Variants in NPNT observed in about 807,000 individuals in gnomAD.
NPNT encodes nephronectin, also known as preosteoblast EGF-like repeat protein with MAM domain.
In NPNT, 45 loss-of-function variants were observed where a neutral mutation model predicts 68.6. The observed-to-expected ratio is 0.66, with a 90% confidence interval of 0.52 to 0.84. The LOEUF (loss-of-function observed/expected upper bound fraction) is 0.84. Among genes scored for constraint, NPNT ranks in the 40% least tolerant of loss-of-function variants. The probability of loss-of-function intolerance (pLI) is 0.00; values close to 1 mark genes in which losing one functional copy is unlikely to be tolerated. For missense variants in NPNT, 672 were observed against 714.8 expected (o/e 0.94, Z 0.68); for synonymous variants, 233 against 253.3 (o/e 0.92, Z 0.76).
intron 3 of NPNT, chr4:105,932,734 C>T (rs1016147348): frequency 9.2e-6 from 13 of 1,412,228 alleles, no homozygotes; most frequent in African/African-American, 2.8e-5. Flanking sequence ...GTGGTCTGCT[C>T]TTCCCACCTG....
rs1261276610 is a variant in NPNT at position 105,914,353 on chromosome 4, T to TTC, written c.173-12963_173-12962dup. Among the ~76,000 whole-genome samples the TTC allele has an allele frequency of 6.7e-4, 89 of 132,196 alleles. No individual in the cohort carries two copies. The South Asian group carries it at 7.6e-3, about 11-fold the overall frequency. 86.7% of individuals were successfully genotyped at this position (132,196 alleles called of 152,430 possible). ...GGTAATAGCTGGCTCTCTCTCTCCA[T>TTC]TCTCTCTCTCTCTCTCTCTCTATAT... On this transcript the variant is annotated intron_variant, in intron 2 of 11. Transcript: ENST00000379987.
intron 2 of NPNT, among the ~76,000 whole-genome samples, chr4:105,920,395 TAAAAAA>T (rs11355483): frequency 3.5e-4 from 28 of 79,460 alleles, no homozygotes; most frequent in African/African-American, 1.4e-3. Context: ...GTTACTCTAC[TAAAAAA>T]AAAAAAAAAA....
chr4:105,912,325 C>A, intron 2 of NPNT: 1 of 926,512 alleles, frequency 1.1e-6, no homozygotes, highest in Non-Finnish European at 1.6e-6. Context: ...AAGCTGTAAA[C>A]AAAACATTAG....
intron 2 of NPNT, chr4:105,927,129 A>G (rs1728742946): frequency 3.0e-6 from 1 of 329,264 alleles, no homozygotes; most frequent in Non-Finnish European, 5.6e-6. Flanking sequence ...TTCAGCCCCA[A>G]CTGATACACA....
chr4:105,940,716 G>T, intron 7 of NPNT, 80 bp downstream of exon 7: 1 of 1,214,224 alleles, frequency 8.2e-7, no homozygotes, highest in South Asian at 1.4e-5. Context: ...GGGAAAATAA[G>T]GAATAAGATT....
intron 2 of NPNT, among the ~76,000 whole-genome samples, chr4:105,904,022 G>A (rs1401034248): frequency 6.6e-6 from 1 of 151,944 alleles, no homozygotes; most frequent in Admixed American, 6.6e-5. Flanking sequence ...GAGCTCAACT[G>A]ATCTGCCCAC....
chr4:105,967,435 C>T lies in NPNT; in HGVS notation c.1593C>T (p.Asp531=), dbSNP rs1161495717. Reference sequence around the variant, plus strand: ...CACAGATCACCTTGCGAGGGGCTGACATCAAGAGCGTAAGTAGATCCACAA... The same window carrying T: ...CACAGATCACCTTGCGAGGGGCTGATATCAAGAGCGTAAGTAGATCCACAA... ...RQTQITLRGA[D]IKSVVFKGEK... is the part of the protein sequence containing the mutation. Residue 531 remains aspartate, a synonymous_variant, in exon 11 of 12, where the codon GAC becomes GAT. Transcript: ENST00000379987. The T allele has an allele frequency of 1.3e-6, 2 of 1,586,348 alleles. No individual in the cohort carries two copies. Among genetic ancestry groups the T allele is most frequent in the South Asian group, 1.2e-5 (1 of 85,358 alleles).
At position 105,905,026 on chromosome 4, in the gene NPNT, G is replaced by A. The variant is rs115751138; in HGVS notation, c.172+7025G>A. Among the ~76,000 whole-genome samples, 1,258 of 151,706 alleles carry A rather than the reference G, an allele frequency of 8.3e-3. 14 individuals carry two copies. Among genetic ancestry groups the A allele is most frequent in the African/African-American group, 0.026 (1,079 of 41,398 alleles). On this transcript the variant is annotated intron_variant, in intron 2 of 11. Transcript: ENST00000379987. ...GCTGGGATTACAGGCATGAGACACC[G>A]CGCCCGGCCATTAGCCATAATTTTT...
At chr4:105,918,730 C>T (rs553887900) in intron 2 of NPNT, among the ~76,000 whole-genome samples, 4 of 152,256 alleles carry the variant, frequency 2.6e-5, no homozygotes, top group African/African-American at 9.6e-5. Flanking sequence ...TTTATATCCC[C>T]AATTTTTAAT....
chr4:105,943,186 G>A (rs1730125306), intron 8 of NPNT, among the ~76,000 whole-genome samples: 1 of 152,250 alleles, frequency 6.6e-6, no homozygotes, highest in African/African-American at 2.4e-5. Flanking sequence ...ACCAGTGGTA[G>A]TATGTTAGTG....
rs981889205 is a variant in NPNT at position 105,906,944 on chromosome 4, A to G, written c.172+8943A>G. 5.9e-5 allele frequency among the ~76,000 whole-genome samples: 9 copies of G among 152,160 alleles called. 1 individual carries two copies. The highest frequency in any genetic ancestry group is 2.0e-4 in the Admixed American group (3 of 15,262). ...TGAACATTGTTCCCAGGCATCATTTACCCTACTGATGCTGATACATGGATA... is the reference window on the plus strand; with the variant it reads ...TGAACATTGTTCCCAGGCATCATTTGCCCTACTGATGCTGATACATGGATA... On this transcript the variant is annotated intron_variant, in intron 2 of 11. Coordinates refer to ENST00000379987, the MANE Select transcript of NPNT (RefSeq NM_001033047.3).
chr4:105,913,184 C>G (rs936273593), intron 2 of NPNT, among the ~76,000 whole-genome samples: 1 of 152,070 alleles, frequency 6.6e-6, no homozygotes, highest in Non-Finnish European at 1.5e-5. Context: ...GTTCTTTAAA[C>G]TGATTGAAGA....
intron 11 of NPNT, 52 bp downstream of exon 11, chr4:105,967,496 A>C: frequency 2.0e-6 from 3 of 1,484,106 alleles, no homozygotes; most frequent in Non-Finnish European, 2.7e-6. Flanking sequence ...CTTTCATAGG[A>C]GAACTCTGGG....
At chr4:105,904,824 G>C (rs150719234) in intron 2 of NPNT, among the ~76,000 whole-genome samples, 1 of 151,942 alleles carries the variant, frequency 6.6e-6, no homozygotes, top group Non-Finnish European at 1.5e-5. Flanking sequence ...TGGGATTACA[G>C]GTGTACACCA....
In NPNT at chr4:105,935,964, A is replaced by G. The variant is rs78306929; in HGVS notation, c.266-1045A>G. 3.0e-4 allele frequency among the ~76,000 whole-genome samples: 46 copies of G among 152,312 alleles called. No homozygotes were observed. The East Asian group carries it at 8.9e-3, about 29-fold the overall frequency. On this transcript the variant is annotated intron_variant, in intron 3 of 11. Transcript: ENST00000379987. ...ATTCAATGACATGGATTAATAGATA[A>G]TTAAATTATGCTAAATGGGTACTTA... is the stretch of plus-strand genomic sequence containing the variant.
rs537452682 is a variant in NPNT at position 105,933,933 on chromosome 4, A to T, written c.266-3076A>T. ...CATTTGAATGTAAGTGGTTTATTGT[A>T]AAGTTCTATCCTTTAGTATAAGATA... On this transcript the variant is annotated intron_variant, in intron 3 of 11. Transcript: ENST00000379987. 3.9e-5 allele frequency among the ~76,000 whole-genome samples: 6 copies of T among 152,324 alleles called. No homozygotes were observed. In the South Asian group the frequency reaches 1.2e-3, roughly 32 times the overall value.
At chr4:105,926,346 A>G (rs58120447) in intron 2 of NPNT, among the ~76,000 whole-genome samples, 3 of 152,202 alleles carry the variant, frequency 2.0e-5, no homozygotes, top group Non-Finnish European at 2.9e-5. Flanking sequence ...AGTGTCTGGC[A>G]TAGGGACATG....
intron 10 of NPNT, among the ~76,000 whole-genome samples, chr4:105,961,357 G>C (rs1289137587): frequency 6.6e-6 from 1 of 152,156 alleles, no homozygotes; most frequent in Non-Finnish European, 1.5e-5. Flanking sequence ...TACAGAAGGA[G>C]GGATCTTTGG....
intron 2 of NPNT, among the ~76,000 whole-genome samples, chr4:105,926,672 A>C (rs1728706169): frequency 6.6e-6 from 1 of 152,196 alleles, no homozygotes; most frequent in Non-Finnish European, 1.5e-5. Context: ...AGAAAGTGGA[A>C]CTCAGTTGAT....
Sources: allele counts gnomAD v4.1 joint callset (sites outside exome capture counted in the v4.1 genomes callset), GRCh38; gene constraint gnomAD v4.1.1; transcripts MANE v1.5; gene names NCBI Gene and HGNC (gene_info 2026-07-23, HGNC 2026-07-21).